Variants in MTMR8 observed in about 807,000 individuals in gnomAD.
The protein encoded by MTMR8 is phosphatidylinositol-3,5-bisphosphate 3-phosphatase MTMR8.
Under a neutral mutation model 39.3 loss-of-function variants are expected in MTMR8, and 65 were observed. The observed-to-expected ratio is 1.65, with a 90% confidence interval of 1.35 to 2.03. MTMR8 has a LOEUF of 2.03. Among genes scored for constraint, MTMR8 ranks in the 30% most tolerant of loss-of-function variants. MTMR8 has a pLI of 0.00. For missense variants in MTMR8, 777 were observed against 538.9 expected, an observed-to-expected ratio of 1.44 and a Z score of -4.37; for synonymous variants, 245 against 185.2, an observed-to-expected ratio of 1.32 and a Z score of -2.62.
At chrX:64,338,443 G>C (rs1230917604) in intron 8 of MTMR8, among the ~76,000 whole-genome samples, 1 of 112,381 alleles carries the variant, frequency 8.9e-6, no homozygotes, top group African/African-American at 3.2e-5. Flanking sequence ...AGGAGGAAAG[G>C]ACATTCCAGG....
At chrX:64,332,203 C>A (rs753451092) in intron 10 of MTMR8, among the ~76,000 whole-genome samples, 2 of 112,136 alleles carry the variant, frequency 1.8e-5, no homozygotes, top group Non-Finnish European at 3.8e-5. Context: ...ATATTGTTTA[C>A]TGCATAGTGC....
intron 12 of MTMR8, among the ~76,000 whole-genome samples, chrX:64,313,180 T>A (rs745850134): frequency 8.9e-6 from 1 of 112,490 alleles, no homozygotes; most frequent in African/African-American, 3.2e-5. Flanking sequence ...CTTCTTCCAA[T>A]AGAAAGCTGC....
chrX:64,331,037 A>G (rs1357283075), intron 11 of MTMR8, among the ~76,000 whole-genome samples: 1 of 111,674 alleles, frequency 9.0e-6, no homozygotes, highest in African/African-American at 3.2e-5. Context: ...AGATGGGTGA[A>G]CCAAAGTCTC....
chrX:64,281,899 G>A lies in MTMR8; in HGVS notation c.1482-10826C>T, dbSNP rs181846283. Among the ~76,000 whole-genome samples the A allele has an allele frequency of 1.3e-3, 139 of 103,514 alleles. 1 individual carries two copies. Among genetic ancestry groups the A allele is most frequent in the African/African-American group, 5.1e-3 (134 of 26,356 alleles). The allele number at this position is 103,514 out of a possible 115,157, so 89.9% of individuals were successfully genotyped here. A position where few individuals can be genotyped will look rare whatever the true frequency, so the allele number is the denominator to read the frequency against. On this transcript the variant is annotated intron_variant, in intron 12 of 13. Coordinates refer to ENST00000374852, the MANE Select transcript of MTMR8 (RefSeq NM_017677.4). ...AAAAAAACAACCCCATCAAAAAGAGGGCAAAGGACATGAACAGATACTTCT... is the reference window on the plus strand; with the variant it reads ...AAAAAAACAACCCCATCAAAAAGAGAGCAAAGGACATGAACAGATACTTCT...
chrX:64,347,790 G>A (rs974818395), intron 6 of MTMR8, among the ~76,000 whole-genome samples: 2 of 112,189 alleles, frequency 1.8e-5, no homozygotes, highest in African/African-American at 3.2e-5. Context: ...TCTTTTGTGG[G>A]ACACAATGAG....
chrX:64,384,514 G>A (rs1464760723), intron 1 of MTMR8, among the ~76,000 whole-genome samples: 1 of 111,944 alleles, frequency 8.9e-6, no homozygotes, highest in East Asian at 2.8e-4. Context: ...GGGTACCCAG[G>A]CATTTTCATA....
chrX:64,289,658 A>AAAAAAAAAAAAAAAAAAAAAC (rs1921331768), intron 12 of MTMR8, among the ~76,000 whole-genome samples: 1 of 103,329 alleles, frequency 9.7e-6, no homozygotes, highest in African/African-American at 4.0e-5. Context: ...AAAAAAAAAA[A>AAAAAAAAAAAAAAAAAAAAAC]AAATTAAGTT....
chrX:64,357,445 G>A (rs961150044), intron 2 of MTMR8, among the ~76,000 whole-genome samples: 3 of 111,038 alleles, frequency 2.7e-5, no homozygotes, highest in Admixed American at 9.6e-5. Context: ...TTTTTTTTAA[G>A]GCAGGGTCTC....
intron 12 of MTMR8, among the ~76,000 whole-genome samples, chrX:64,287,203 T>C (rs1463514665): frequency 9.0e-6 from 1 of 111,204 alleles, no homozygotes; most frequent in Admixed American, 9.6e-5. Flanking sequence ...ATGAGTGAAC[T>C]CCCATTCACA....
At chrX:64,359,620 T>C (rs1382897539) in intron 1 of MTMR8, 93 bp from the exon 2 acceptor site, 3 of 950,522 alleles carry the variant, frequency 3.2e-6, no homozygotes, top group Non-Finnish European at 4.2e-6. Context: ...GCTGTTAATT[T>C]GCTACAAAAC....
chrX:64,281,925 C>A (rs866855353), intron 12 of MTMR8, among the ~76,000 whole-genome samples: 23 of 85,152 alleles, frequency 2.7e-4, no homozygotes, highest in Non-Finnish European at 2.8e-4. Context: ...AGATACTTCT[C>A]AAAAAAAAAA....
intron 2 of MTMR8, among the ~76,000 whole-genome samples, chrX:64,356,553 G>C (rs1038485281): frequency 2.6e-4 from 29 of 110,749 alleles, no homozygotes; most frequent in African/African-American, 9.5e-4. Flanking sequence ...TGCAGTGTTA[G>C]AAAACTTCTC....
chrX:64,385,213 G>T (rs983463878), intron 1 of MTMR8, among the ~76,000 whole-genome samples: 1 of 112,164 alleles, frequency 8.9e-6, no homozygotes, highest in Admixed American at 9.4e-5. Context: ...TGTGACTATT[G>T]CTCTAGTTCC....
In MTMR8 at chrX:64,268,277, A is replaced by G. The variant is rs753512710; in HGVS notation, c.*260T>C. On this transcript the variant is annotated 3_prime_UTR_variant, in exon 14 of 14. Transcript: ENST00000374852. ...GTAGAACCAGCTTAATATGTGTCTC[A>G]GCTGAGAGGCAACATTTCTATAGTT... is the stretch of plus-strand genomic sequence containing the variant. 2.0e-5 allele frequency: 7 copies of G among 346,379 alleles called. 1 individual carries two copies. The East Asian group carries it at 3.2e-4, about 16-fold the overall frequency. The allele number at this position is 346,379 out of a possible 1,213,427, so 28.5% of individuals were successfully genotyped here.
intron 8 of MTMR8, among the ~76,000 whole-genome samples, chrX:64,341,345 G>A (rs764886380): frequency 1.8e-5 from 2 of 110,000 alleles, no homozygotes; most frequent in Non-Finnish European, 3.8e-5. Flanking sequence ...CAGGCGTGGT[G>A]GCATGCTCCT....
intron 1 of MTMR8, among the ~76,000 whole-genome samples, chrX:64,392,224 G>A (rs984010835): frequency 1.8e-5 from 2 of 111,620 alleles, no homozygotes; most frequent in Non-Finnish European, 3.8e-5. Flanking sequence ...ATTCCACTCC[G>A]ATGGCATATA....
At chrX:64,331,534 G>A in intron 11 of MTMR8, 23 bp downstream of exon 11, 1 of 1,195,277 alleles carries the variant, frequency 8.4e-7, no homozygotes, top group Non-Finnish European at 1.1e-6. Flanking sequence ...CCTGTTCAGT[G>A]TCTTCTCACA....
chrX:64,347,703 T>G (rs1923378922), intron 6 of MTMR8, among the ~76,000 whole-genome samples: 1 of 112,519 alleles, frequency 8.9e-6, no homozygotes, highest in Non-Finnish European at 1.9e-5. Flanking sequence ...ACATACCAAA[T>G]TATAAGCAAA....
At chrX:64,395,218 GA>G (rs1924789177) in intron 1 of MTMR8, 121 bp downstream of exon 1, 3 of 728,223 alleles carry the variant, frequency 4.1e-6, no homozygotes, top group Non-Finnish European at 6.4e-6. Flanking sequence ...GAGAACCCGG[GA>G]CCCCCCACAG....
Sources: gnomAD v4.1 joint callset for allele counts (sites outside exome capture counted in the v4.1 genomes callset) on GRCh38, gnomAD v4.1.1 for gene constraint, MANE v1.5 for transcripts, NCBI Gene and HGNC (gene_info 2026-07-23, HGNC 2026-07-21) for gene names.